GALNTL6: variants seen among roughly 807,000 people sequenced by gnomAD.
GALNTL6 encodes polypeptide N-acetylgalactosaminyltransferase-like 6.
In GALNTL6, 46 loss-of-function variants were observed where a neutral mutation model predicts 73.7. The observed-to-expected ratio is 0.62, with a 90% CI of 0.49 to 0.80. The LOEUF is 0.80. Ranked by LOEUF, GALNTL6 falls within the 30% of genes least tolerant of loss-of-function variation. The probability of loss-of-function intolerance (pLI) is 0.00; values close to 1 mark genes in which losing one functional copy is unlikely to be tolerated. For missense variants in GALNTL6, 604 were observed against 755.0 expected, an observed-to-expected ratio of 0.80 and a Z score of 2.34; for synonymous variants, 259 against 263.7, an observed-to-expected ratio of 0.98 and a Z score of 0.17.
chr4:172,020,423 C>A (rs1579065095), intron 2 of GALNTL6, among the ~76,000 whole-genome samples: 4 of 145,706 alleles, frequency 2.7e-5, no homozygotes, highest in African/African-American at 2.5e-5. Flanking sequence ...TTTAGCAAGA[C>A]TAAGAAAAAA....
intron 3 of GALNTL6, among the ~76,000 whole-genome samples, chr4:172,289,962 T>A (rs1014838111): frequency 1.4e-4 from 21 of 152,216 alleles, no homozygotes; most frequent in African/African-American, 5.1e-4. Flanking sequence ...TTGCTTTCCT[T>A]ATCTAAATCA....
intron 5 of GALNTL6, among the ~76,000 whole-genome samples, chr4:172,753,341 A>G (rs994021716): frequency 6.6e-6 from 1 of 152,222 alleles, no homozygotes; most frequent in Non-Finnish European, 1.5e-5. Context: ...AGTCTCAGGT[A>G]AGTCTTTATT....
intron 5 of GALNTL6, among the ~76,000 whole-genome samples, chr4:172,475,713 G>C (rs912365123): frequency 1.3e-5 from 2 of 152,184 alleles, no homozygotes; most frequent in Non-Finnish European, 2.9e-5. Context: ...AGAATTTAGA[G>C]AAGTTTAGAA....
intron 5 of GALNTL6, among the ~76,000 whole-genome samples, chr4:172,464,563 C>T (rs1396828812): frequency 2.0e-5 from 3 of 151,794 alleles, no homozygotes; most frequent in Non-Finnish European, 4.4e-5. Context: ...CAAAATTAGC[C>T]GAGTGTGGTG....
rs977997371 is a variant in GALNTL6, at chr4:172,067,619, C to T, written c.139-162037C>T. On this transcript the variant is annotated intron_variant, in intron 2 of 12. Transcript: ENST00000506823. Reference sequence around the variant, plus strand: ...TTGTTCAGGACAAAAATATAGGAATCATTTTAATTTCCATGTTTCATATAT... The same window carrying T: ...TTGTTCAGGACAAAAATATAGGAATTATTTTAATTTCCATGTTTCATATAT... 5.4e-5 allele frequency among the ~76,000 whole-genome samples: 6 copies of T among 110,366 alleles called. 2 individuals carry two copies. Among genetic ancestry groups the T allele is most frequent in the Non-Finnish European group, 1.2e-4 (6 of 49,584 alleles). 72.4% of individuals were successfully genotyped at this position (110,366 alleles called of 152,430 possible). A position where few individuals can be genotyped will look rare whatever the true frequency, so the allele number is the denominator to read the frequency against.
intron 5 of GALNTL6, among the ~76,000 whole-genome samples, chr4:172,464,095 C>T (rs182212598): frequency 6.6e-6 from 1 of 151,980 alleles, no homozygotes; most frequent in East Asian, 2.0e-4. Context: ...GAGACAGGGT[C>T]TTGCTACATT....
chr4:172,903,859 C>A (rs1337964366), intron 8 of GALNTL6, among the ~76,000 whole-genome samples: 1 of 151,896 alleles, frequency 6.6e-6, no homozygotes, highest in African/African-American at 2.4e-5. Flanking sequence ...TATTTTAGAT[C>A]CAGGGGTGCA....
At chr4:173,017,218 CTA>C (rs1456587559) in intron 11 of GALNTL6, among the ~76,000 whole-genome samples, 4 of 152,058 alleles carry the variant, frequency 2.6e-5, no homozygotes, top group African/African-American at 9.7e-5. Context: ...CATTGTAAAT[CTA>C]TGTTTTAAAG....
intron 2 of GALNTL6, among the ~76,000 whole-genome samples, chr4:172,010,471 A>G (rs1173828720): frequency 6.6e-6 from 1 of 152,096 alleles, no homozygotes; most frequent in Non-Finnish European, 1.5e-5. Context: ...GAATTGGGGC[A>G]GTACATTTAT....
intron 2 of GALNTL6, among the ~76,000 whole-genome samples, chr4:172,025,345 T>G (rs1741531882): frequency 6.6e-6 from 1 of 152,002 alleles, no homozygotes; most frequent in Non-Finnish European, 1.5e-5. Context: ...GTTTTATGAA[T>G]ATTTAACTTC....
chr4:172,389,324 G>A (rs1170541609), intron 5 of GALNTL6, among the ~76,000 whole-genome samples: 1 of 151,954 alleles, frequency 6.6e-6, no homozygotes, highest in Non-Finnish European at 1.5e-5. Context: ...TATAATTAAA[G>A]TAAGACTAGA....
At chr4:172,204,865 G>A (rs763229840) in intron 2 of GALNTL6, among the ~76,000 whole-genome samples, 19 of 152,026 alleles carry the variant, frequency 1.2e-4, no homozygotes, top group Non-Finnish European at 2.6e-4. Context: ...ATTTAAAGAA[G>A]ACATGAACTA....
At chr4:172,825,711 A>G (rs538633661) in intron 7 of GALNTL6, among the ~76,000 whole-genome samples, 1 of 151,568 alleles carries the variant, frequency 6.6e-6, no homozygotes, top group African/African-American at 2.4e-5. Context: ...ACAAGCCACA[A>G]AAAAAAAGAA....
At chr4:171,989,794 C>T (rs1740276366) in intron 2 of GALNTL6, among the ~76,000 whole-genome samples, 1 of 152,048 alleles carries the variant, frequency 6.6e-6, no homozygotes, top group Non-Finnish European at 1.5e-5. Flanking sequence ...GCCTTTTGAC[C>T]TTTTAAGGTC....
chr4:171,957,982 T>A (rs1296666489), intron 2 of GALNTL6, among the ~76,000 whole-genome samples: 2 of 152,178 alleles, frequency 1.3e-5, no homozygotes, highest in Non-Finnish European at 2.9e-5. Flanking sequence ...ATAATGAACC[T>A]GCATGTAAAA....
At chr4:172,972,311 C>G (rs1248523005) in intron 10 of GALNTL6, among the ~76,000 whole-genome samples, 1 of 152,128 alleles carries the variant, frequency 6.6e-6, no homozygotes, top group African/African-American at 2.4e-5. Context: ...ATATACCTAT[C>G]TAACTCTAAA....
At chr4:172,581,613 C>A (rs1390203701) in intron 5 of GALNTL6, among the ~76,000 whole-genome samples, 1 of 152,198 alleles carries the variant, frequency 6.6e-6, no homozygotes, top group African/African-American at 2.4e-5. Context: ...CTGGACCCAA[C>A]CACATGTCAC....
At chr4:172,673,400 C>T (rs765434964) in intron 5 of GALNTL6, among the ~76,000 whole-genome samples, 3 of 152,202 alleles carry the variant, frequency 2.0e-5, no homozygotes, top group East Asian at 1.9e-4. Context: ...ATTATGTGAT[C>T]GATTTTAGAG....
chr4:172,923,214 TTACGGTTC>T (rs1180117256), intron 8 of GALNTL6, among the ~76,000 whole-genome samples: 45 of 152,214 alleles, frequency 3.0e-4, no homozygotes, highest in African/African-American at 1.1e-3. Flanking sequence ...TTTAATGGAC[TTACGGTTC>T]TACACAGCTG....
Sources: gnomAD v4.1 joint callset for allele counts (sites outside exome capture counted in the v4.1 genomes callset) on GRCh38, gnomAD v4.1.1 for gene constraint, MANE v1.5 for transcripts, NCBI Gene and HGNC (gene_info 2026-07-23, HGNC 2026-07-21) for gene names.